Variants in ALG13 observed in about 807,000 individuals in gnomAD.
The protein encoded by ALG13 is ALG13 UDP-N-acetylglucosaminyltransferase subunit, also known as UDP-N-acetylglucosamine transferase subunit ALG13.
In ALG13, 11 loss-of-function variants were observed where a neutral mutation model predicts 87.8. That is an observed-to-expected ratio of 0.13 (90% CI 0.08 to 0.21). The LOEUF is 0.21. Among genes scored for constraint, ALG13 ranks in the 10% least tolerant of loss-of-function variants. The pLI is 1.00. For missense variants in ALG13, 756 were observed against 866.1 expected, an observed-to-expected ratio of 0.87 and a Z score of 1.60; for synonymous variants, 320 against 306.3, an observed-to-expected ratio of 1.04 and a Z score of -0.47.
At chrX:111,719,532 C>T (rs770586276) in intron 10 of ALG13, among the ~76,000 whole-genome samples, 1 of 112,415 alleles carries the variant, frequency 8.9e-6, no homozygotes, top group Admixed American at 9.4e-5. Flanking sequence ...ACATTTTTCT[C>T]ACAATTTATG....
chrX:111,726,747 G>A, intron 15 of ALG13, 62 bp from the exon 16 acceptor site: 3 of 1,178,426 alleles, frequency 2.5e-6, no homozygotes, highest in Admixed American at 2.2e-5. Context: ...GGTGGTGACA[G>A]TACACTGGGC....
intron 6 of ALG13, among the ~76,000 whole-genome samples, chrX:111,712,096 G>C (rs1248538533): frequency 2.7e-5 from 3 of 111,876 alleles, no homozygotes; most frequent in African/African-American, 9.7e-5. Flanking sequence ...TCTTATGTGG[G>C]AGTAAAATTC....
intron 3 of ALG13, chrX:111,688,051 A>G (rs1293506874): frequency 7.0e-6 from 7 of 993,092 alleles, no homozygotes; most frequent in Non-Finnish European, 7.7e-6. Context: ...CAACCTATGT[A>G]ATGTGATTAA....
At position 111,713,244 on chromosome X, in the gene ALG13, C is replaced by G. The variant is rs775191661; in HGVS notation, c.952C>G (p.Arg318Gly). ...LIYNRDFILY[R>G]FPGKPPTYVT... ...ATATAGTCGGGATTTCATTCTTTAT[C>G]GCTTTCCTGGAAAACCTCCAACTTA... is the stretch of plus-strand genomic sequence containing the variant. The change falls in exon 8 of 27, where the codon CGC becomes GGC. Residue 318 changes from arginine to glycine, a missense_variant. Physicochemically the swap from Arg to Gly is moderately radical, Grantham distance 125. Around this residue, in one of 9 missense-constraint regions of ALG13, gnomAD observed 60 missense variants for 54.5 expected, o/e 1.10. Coordinates refer to ENST00000394780, the MANE Select transcript of ALG13 (RefSeq NM_001099922.3). 13 of 1,194,757 alleles carry G rather than the reference C, an allele frequency of 1.1e-5. No individual in the cohort carries two copies. Among genetic ancestry groups the G allele is most frequent in the Non-Finnish European group, 1.4e-5 (12 of 884,094 alleles).
At chrX:111,706,438 T>A (rs2079253048) in intron 3 of ALG13, among the ~76,000 whole-genome samples, 1 of 112,646 alleles carries the variant, frequency 8.9e-6, no homozygotes, top group Non-Finnish European at 1.9e-5. Flanking sequence ...AGGCATCACT[T>A]CTCCAGTGTT....
chrX:111,744,537 T>G (rs1944040722), intron 23 of ALG13, 131 bp from the exon 24 acceptor site: 1 of 719,723 alleles, frequency 1.4e-6, no homozygotes, highest in Non-Finnish European at 2.0e-6. Flanking sequence ...ACTGTCCAAG[T>G]TTTTTTTATA....
chrX:111,751,227 C>T (rs987807152), intron 24 of ALG13, among the ~76,000 whole-genome samples: 3 of 109,776 alleles, frequency 2.7e-5, no homozygotes, highest in Non-Finnish European at 3.8e-5. Flanking sequence ...TGCCACCACA[C>T]CTGGCTAATT....
intron 3 of ALG13, among the ~76,000 whole-genome samples, chrX:111,700,547 C>A (rs888593060): frequency 7.4e-5 from 8 of 108,522 alleles, no homozygotes; most frequent in African/African-American, 2.7e-4. Context: ...TTCCTGTATA[C>A]CTAATCTGTT....
Position 111,758,235 on chromosome X carries a change from A to G in ALG13, c.3148+473A>G, listed in dbSNP as rs1016284053. 6.2e-5 allele frequency among the ~76,000 whole-genome samples: 7 copies of G among 112,089 alleles called. No individual in the cohort carries two copies. In the Admixed American group the frequency reaches 6.6e-4, roughly 11 times the overall value. On this transcript the variant is annotated intron_variant, in intron 26 of 26. Coordinates refer to ENST00000394780, the MANE Select transcript of ALG13 (RefSeq NM_001099922.3). ...CTTATAAAACACTTCTGCATACTAA[A>G]TGAAGTATAATGATTAACTTAAGGA...
intron 1 of ALG13, 149 bp from the exon 2 acceptor site, chrX:111,681,983 G>A: frequency 1.2e-6 from 1 of 850,127 alleles, no homozygotes; most frequent in Non-Finnish European, 1.5e-6. Context: ...CCAGAAAATA[G>A]TTTTGAAAAC....
chrX:111,682,057 A>G, intron 1 of ALG13, 75 bp from the exon 2 acceptor site: 1 of 975,273 alleles, frequency 1.0e-6, no homozygotes, highest in African/African-American at 2.0e-5. Flanking sequence ...GTCAAACTTT[A>G]GTAGTGGTGG....
At chrX:111,719,540 A>C (rs1941140826) in intron 10 of ALG13, among the ~76,000 whole-genome samples, 1 of 112,317 alleles carries the variant, frequency 8.9e-6, no homozygotes, top group Admixed American at 9.4e-5. Context: ...CTCACAATTT[A>C]TGTGGATTAG....
At chrX:111,751,346 C>T (rs749639854) in intron 24 of ALG13, among the ~76,000 whole-genome samples, 36 of 111,988 alleles carry the variant, frequency 3.2e-4, no homozygotes, top group South Asian at 1.9e-3. Context: ...GCATTACAGG[C>T]CTGGGCCACC....
chrX:111,682,377 C>A, intron 2 of ALG13, 83 bp downstream of exon 2: 1 of 810,678 alleles, frequency 1.2e-6, no homozygotes, highest in East Asian at 3.5e-5. Context: ...GGTACATGTG[C>A]AGGATGTGCG....
At chrX:111,738,544 A>T (rs1368413199) in intron 23 of ALG13, among the ~76,000 whole-genome samples, 2 of 111,316 alleles carry the variant, frequency 1.8e-5, no homozygotes, top group African/African-American at 6.5e-5. Context: ...TAGGCTTTAA[A>T]TTTTTTTTGT....
intron 3 of ALG13, chrX:111,688,064 C>T: frequency 1.1e-6 from 1 of 935,792 alleles, no homozygotes; most frequent in East Asian, 4.4e-5. Context: ...GTGATTAAAT[C>T]AAATTAAATA....
At chrX:111,689,389 G>A (rs1054893147) in intron 3 of ALG13, 1 of 751,533 alleles carries the variant, frequency 1.3e-6, no homozygotes, top group African/African-American at 2.3e-5. Flanking sequence ...TTATGATGAA[G>A]AATTAAAGAG....
intron 1 of ALG13, 63 bp from the exon 2 acceptor site, chrX:111,682,069 G>A: frequency 1.9e-6 from 2 of 1,031,630 alleles, no homozygotes; most frequent in Non-Finnish European, 2.6e-6. Flanking sequence ...TAGTGGTGGT[G>A]GTTCCTGCTC....
At chrX:111,681,657 A>T in intron 1 of ALG13, 1 of 900,178 alleles carries the variant, frequency 1.1e-6, no homozygotes, top group Non-Finnish European at 1.4e-6. Context: ...CGGGCTCGGC[A>T]GTTTTTCCTC....
Sources: allele counts gnomAD v4.1 joint callset (sites outside exome capture counted in the v4.1 genomes callset), GRCh38; gene constraint gnomAD v4.1.1; regional missense constraint gnomAD v4.1.1; transcripts MANE v1.5; gene names NCBI Gene and HGNC (gene_info 2026-07-23, HGNC 2026-07-21).